RESF1: variants seen among roughly 807,000 people sequenced by gnomAD.
RESF1 encodes retroelement silencing factor 1.
In RESF1, 65 loss-of-function variants were observed where a neutral mutation model predicts 134.7. The observed-to-expected ratio is 0.48, with a 90% CI of 0.40 to 0.59. The LOEUF is 0.59. RESF1 is among the 20% of genes least tolerant of loss of function. The probability of loss-of-function intolerance (pLI) is 0.00; values close to 1 mark genes in which losing one functional copy is unlikely to be tolerated. For missense variants in RESF1, 2,274 were observed against 2,002.7 expected, an observed-to-expected ratio of 1.14 and a Z score of -2.59; for synonymous variants, 762 against 702.2, an observed-to-expected ratio of 1.09 and a Z score of -1.35.
At chr12:31,965,426 A>G (rs1413585841) in intron 2 of RESF1, among the ~76,000 whole-genome samples, 1 of 152,070 alleles carries the variant, frequency 6.6e-6, no homozygotes, top group Non-Finnish European at 1.5e-5. Flanking sequence ...GAGTATTTAA[A>G]CTGCAGAAAA....
intron 3 of RESF1, among the ~76,000 whole-genome samples, chr12:31,978,802 AC>A (rs1224155931): frequency 7.1e-6 from 1 of 141,322 alleles, no homozygotes; most frequent in Non-Finnish European, 1.5e-5. Context: ...ACCTCGTGAT[AC>A]CCCTGCCTCA....
rs762438223 is a variant in RESF1 at position 31,984,669 on chromosome 12, A to G, written c.3714A>G (p.Pro1238=). 3.2e-6 allele frequency: 5 copies of G among 1,583,594 alleles called. No individual in the cohort carries two copies. In the South Asian group the frequency reaches 5.9e-5, roughly 19 times the overall value. Residue 1238 remains proline, a synonymous_variant, in exon 4 of 6, where the codon CCA becomes CCG. Transcript: ENST00000312561. ...VVQFKSLVNN[P]KTPPDGKSHF... The stretch of plus-strand genomic sequence containing the variant: ...AATTTAAGAGCCTTGTAAATAATCC[A>G]AAGACTCCTCCAGATGGGAAAAGTC...
chr12:31,990,378 GAGAC>G (rs1270299555), intron 5 of RESF1, among the ~76,000 whole-genome samples: 1 of 152,198 alleles, frequency 6.6e-6, no homozygotes, highest in Non-Finnish European at 1.5e-5. Context: ...GCAAATAGGT[GAGAC>G]CTAAGGGAGG....
intron 2 of RESF1, among the ~76,000 whole-genome samples, chr12:31,967,829 A>C (rs1939433392): frequency 6.6e-6 from 1 of 152,206 alleles, no homozygotes; most frequent in African/African-American, 2.4e-5. Flanking sequence ...ATTTCTGCTG[A>C]ATGCCTGTAT....
chr12:31,969,232 A>C (rs1425919890), intron 2 of RESF1, among the ~76,000 whole-genome samples: 1 of 151,490 alleles, frequency 6.6e-6, no homozygotes, highest in Non-Finnish European at 1.5e-5. Context: ...GTGAGCCACC[A>C]CACCTGGCCA....
intron 4 of RESF1, among the ~76,000 whole-genome samples, chr12:31,986,240 A>G (rs565990364): frequency 1.2e-4 from 18 of 152,322 alleles, no homozygotes; most frequent in Admixed American, 4.6e-4. Context: ...AGAAGGCTGT[A>G]CTGTGAAAAA....
chr12:31,961,432 T>C (rs1939266401), intron 2 of RESF1, among the ~76,000 whole-genome samples: 1 of 152,186 alleles, frequency 6.6e-6, no homozygotes, highest in Non-Finnish European at 1.5e-5. Context: ...ATCTATAAAA[T>C]GGGGACAAGC....
intron 5 of RESF1, among the ~76,000 whole-genome samples, chr12:31,990,293 C>T (rs961936402): frequency 3.3e-5 from 5 of 152,036 alleles, no homozygotes; most frequent in Admixed American, 2.0e-4. Flanking sequence ...AAACACAAAC[C>T]AGGTACACTA....
chr12:31,990,550 C>T (rs961676868), intron 5 of RESF1, among the ~76,000 whole-genome samples: 7 of 152,064 alleles, frequency 4.6e-5, no homozygotes, highest in Non-Finnish European at 7.4e-5. Flanking sequence ...TGGGTTCAAG[C>T]GATTCTCCTG....
intron 3 of RESF1, 99 bp from the exon 4 acceptor site, chr12:31,980,779 G>A: frequency 1.9e-6 from 1 of 539,270 alleles, no homozygotes; most frequent in East Asian, 3.0e-5. Flanking sequence ...AGGCTGCTCT[G>A]AAGATTCAGT....
rs149845190 is a variant in RESF1, at chr12:31,982,302, C to T, written c.1347C>T (p.Ala449=). The T allele has an allele frequency of 2.1e-4, 331 of 1,614,060 alleles. 2 individuals carry two copies. Among genetic ancestry groups the T allele is most frequent in the Middle Eastern group, 1.2e-3 (7 of 6,062 alleles). ...CTAAATTGTCTCTAAAACAAACTGC[C>T]AAAATCCAGTCTGGACCCCAGATAA... ...QNSKLSLKQT[A]KIQSGPQITP... The change falls in exon 4 of 6, where the codon GCC becomes GCT. Residue 449 remains alanine (A), a synonymous_variant. Transcript: ENST00000312561.
At chr12:31,972,450 C>G (rs144472246) in intron 3 of RESF1, among the ~76,000 whole-genome samples, 1 of 151,500 alleles carries the variant, frequency 6.6e-6, no homozygotes, top group Non-Finnish European at 1.5e-5. Flanking sequence ...ACTAAAAATA[C>G]AAAAAATTAG....
Position 31,992,296 on chromosome 12 carries a change from T to C in RESF1, c.5087-82T>C. 3 of 1,232,270 alleles carry C rather than the reference T, an allele frequency of 2.4e-6. No homozygotes were observed. The East Asian group carries it at 7.0e-5, about 29-fold the overall frequency. The allele number at this position is 1,232,270 out of a possible 1,614,324, so 76.3% of individuals were successfully genotyped here. A position where few individuals can be genotyped will look rare whatever the true frequency, so the allele number is the denominator to read the frequency against. Reference sequence around the variant, plus strand: ...CTTAATTTTTTATCCCTCCAATATATATTTTCCCTCTGAATTTTGATTATA... The same window carrying C: ...CTTAATTTTTTATCCCTCCAATATACATTTTCCCTCTGAATTTTGATTATA... On this transcript the variant is annotated intron_variant, in intron 5 of 5. Transcript: ENST00000312561.
intron 2 of RESF1, among the ~76,000 whole-genome samples, chr12:31,966,380 C>G (rs1354286619): frequency 2.0e-5 from 3 of 152,192 alleles, no homozygotes; most frequent in Non-Finnish European, 2.9e-5. Flanking sequence ...CATGTGTTCT[C>G]TGTTGTCTTT....
At chr12:31,966,157 T>TA (rs922961921) in intron 2 of RESF1, among the ~76,000 whole-genome samples, 11 of 152,052 alleles carry the variant, frequency 7.2e-5, no homozygotes, top group East Asian at 1.9e-4. Context: ...TAATGAGCTT[T>TA]AAAAAAAATT....
chr12:31,982,606 G>C lies in RESF1; in HGVS notation c.1651G>C (p.Val551Leu). 6 of 1,613,952 alleles carry C rather than the reference G, an allele frequency of 3.7e-6. No homozygotes were observed. Among genetic ancestry groups the C allele is most frequent in the Non-Finnish European group, 5.1e-6 (6 of 1,180,014 alleles). Residue 551 changes from valine (V) to leucine (L), a missense_variant, in exon 4 of 6, where the codon GTT (valine) becomes CTT (leucine). Physicochemically the swap from Val to Leu is conservative, Grantham distance 32. Transcript: ENST00000312561. ...TQLSSENVTKVEQNSPAVCET... is the reference protein window; with the variant it reads ...TQLSSENVTKLEQNSPAVCET... Reference sequence around the variant, plus strand: ...GCTTTCATCAGAAAATGTTACCAAAGTTGAGCAAAATTCACCAGCAGTTTG... The same window carrying C: ...GCTTTCATCAGAAAATGTTACCAAACTTGAGCAAAATTCACCAGCAGTTTG...
At chr12:31,988,666 C>T (rs369896772) in intron 5 of RESF1, among the ~76,000 whole-genome samples, 8 of 147,792 alleles carry the variant, frequency 5.4e-5, no homozygotes, top group East Asian at 4.0e-4. Context: ...GGGCTGAGGA[C>T]CAACTAGAAA....
At chr12:31,979,804 G>T (rs1939732475) in intron 3 of RESF1, among the ~76,000 whole-genome samples, 2 of 151,466 alleles carry the variant, frequency 1.3e-5, no homozygotes, top group South Asian at 4.2e-4. Context: ...AGATCTTCCT[G>T]CCTCAGCCTC....
rs148058698 is a variant in RESF1, at chr12:31,978,777, G to C, written c.-78-2101G>C. ...GGGGTTTCACCGTGTTGGCCAGGAT[G>C]GTCTCCATCTCCTGACCTCGTGATA... On this transcript the variant is annotated intron_variant, in intron 3 of 5. Transcript: ENST00000312561. Among the ~76,000 whole-genome samples, 1,264 of 147,852 alleles carry C rather than the reference G, an allele frequency of 8.5e-3. 8 individuals carry two copies. Among genetic ancestry groups the C allele is most frequent in the Non-Finnish European group, 0.011 (707 of 67,256 alleles).
Sources: allele counts gnomAD v4.1 joint callset (sites outside exome capture counted in the v4.1 genomes callset), GRCh38; gene constraint gnomAD v4.1.1; transcripts MANE v1.5; gene names NCBI Gene and HGNC (gene_info 2026-07-23, HGNC 2026-07-21).